The following HRH1 variants were observed in gnomAD, a reference collection of about 807,000 sequenced individuals.
HRH1 encodes histamine receptor H1, also known as histamine H1 receptor.
A neutral mutation model predicts 10.3 loss-of-function variants in HRH1; 6 were observed. The ratio of observed to expected loss-of-function variants is 0.58; its 90% confidence interval spans 0.32 to 1.15. HRH1 has a LOEUF of 1.15. Among genes scored for constraint, HRH1 ranks in the 50% most tolerant of loss-of-function variants. The pLI, the probability that HRH1 is intolerant of heterozygous loss-of-function variation, is 0.05. For synonymous variants in HRH1, 242 were observed against 236.7 expected (o/e 1.02, Z -0.21); for missense variants, 514 against 615.3 (o/e 0.84, Z 1.74).
rs1280666024 is a variant in HRH1 at position 11,154,742 on chromosome 3, G to C, written c.-36+188G>C. On this transcript the variant is annotated intron_variant, in intron 1 of 1. Coordinates refer to ENST00000431010, the MANE Select transcript of HRH1 (RefSeq NM_001098212.2). This position sits in a 1 kb window ranked among gnomAD's most constrained non-coding sequence, Gnocchi z 4.4. ...TGGCCTGGGGAGGGTGGCGGAGGGC[G>C]GCTCGCTCGGTGGCACCGCTCCCCT... Among the ~76,000 whole-genome samples the C allele has an allele frequency of 2.0e-5, 3 of 152,080 alleles. No individual in the cohort carries two copies.
chr3:11,244,073 C>T (rs1663952075), intron 1 of HRH1, among the ~76,000 whole-genome samples: 1 of 152,202 alleles, frequency 6.6e-6, no homozygotes, highest in Non-Finnish European at 1.5e-5. Context: ...GCAGTCCTCG[C>T]TGATATGGCA....
intron 1 of HRH1, among the ~76,000 whole-genome samples, chr3:11,184,918 A>C (rs946193967): frequency 3.9e-5 from 1 of 25,530 alleles, no homozygotes; most frequent in Non-Finnish European, 9.9e-5. Context: ...ACTCCATTTC[A>C]AAAAAAAAAA....
upstream of HRH1, among the ~76,000 whole-genome samples, chr3:11,151,362 C>T (rs1367684247): frequency 1.3e-5 from 2 of 152,192 alleles, no homozygotes; most frequent in Non-Finnish European, 2.9e-5. Context: ...TGACAATTAC[C>T]TTTGAGCCTC....
At chr3:11,153,300 A>G (rs1936688493), upstream of HRH1, among the ~76,000 whole-genome samples, 1 of 152,184 alleles carries the variant, frequency 6.6e-6, no homozygotes, top group South Asian at 2.1e-4. Context: ...GCACTTAGAA[A>G]AGCATCTGAC....
intron 1 of HRH1, among the ~76,000 whole-genome samples, chr3:11,184,879 C>G (rs1937422296): frequency 7.0e-6 from 1 of 143,872 alleles, no homozygotes; most frequent in Non-Finnish European, 1.5e-5. Context: ...GATCAGGCCA[C>G]TGCACTCCAG....
intron 1 of HRH1, among the ~76,000 whole-genome samples, chr3:11,163,991 T>C (rs1263553095): frequency 1.3e-5 from 2 of 152,168 alleles, no homozygotes; most frequent in African/African-American, 4.8e-5. Flanking sequence ...CTGTAACTGA[T>C]TTCCCTCCAT....
At chr3:11,174,886 A>G (rs1434922449) in intron 1 of HRH1, among the ~76,000 whole-genome samples, 1 of 152,160 alleles carries the variant, frequency 6.6e-6, no homozygotes, top group Non-Finnish European at 1.5e-5. Flanking sequence ...CTGTTGGGCA[A>G]TAGACTGCCC....
intron 1 of HRH1, among the ~76,000 whole-genome samples, chr3:11,140,598 C>T (rs998015842): frequency 6.6e-5 from 10 of 152,134 alleles, no homozygotes; most frequent in South Asian, 2.1e-4. Flanking sequence ...GAACCCTGCT[C>T]GCGGGTGACC....
At chr3:11,220,183 A>G (rs1328658348) in intron 1 of HRH1, among the ~76,000 whole-genome samples, 1 of 152,102 alleles carries the variant, frequency 6.6e-6, no homozygotes, top group Non-Finnish European at 1.5e-5. Flanking sequence ...AACAATACCT[A>G]TCAATCCCCT....
At chr3:11,245,725 G>T (rs1368958726) in intron 1 of HRH1, among the ~76,000 whole-genome samples, 1 of 152,166 alleles carries the variant, frequency 6.6e-6, no homozygotes, top group Non-Finnish European at 1.5e-5. Flanking sequence ...TGGTTTGCTT[G>T]TGCACTCTTA....
At chr3:11,208,762 G>T (rs1938224247) in intron 1 of HRH1, among the ~76,000 whole-genome samples, 1 of 152,174 alleles carries the variant, frequency 6.6e-6, no homozygotes, top group South Asian at 2.1e-4. Context: ...GTGTTCTTGT[G>T]TGCTAACATG....
At chr3:11,205,743 C>T (rs1938098342) in intron 1 of HRH1, among the ~76,000 whole-genome samples, 1 of 151,412 alleles carries the variant, frequency 6.6e-6, no homozygotes, top group Non-Finnish European at 1.5e-5. Flanking sequence ...CTCACTGTAA[C>T]CTCCGCCTCC....
chr3:11,205,864 A>G (rs1186995725), intron 1 of HRH1, among the ~76,000 whole-genome samples: 1 of 151,662 alleles, frequency 6.6e-6, no homozygotes, highest in African/African-American at 2.4e-5. Flanking sequence ...GTTTCACCAT[A>G]TTGGCCAAGC....
rs868188174 is a variant in HRH1, at chr3:11,242,509, A to T, written c.-35-16494A>T. Among the ~76,000 whole-genome samples the T allele has an allele frequency of 4.8e-4, 58 of 120,810 alleles. 1 individual carries two copies. Among genetic ancestry groups the T allele is most frequent in the African/African-American group, 1.8e-3 (55 of 30,222 alleles). The allele number at this position is 120,810 out of a possible 152,430, so 79.3% of individuals were successfully genotyped here. A position where few individuals can be genotyped will look rare whatever the true frequency, so the allele number is the denominator to read the frequency against. ...AAAAAAAAAAAAAAAAAAAAAAAAA[A>T]GCTGTAACACTCACTGCAAAGGTCT... On this transcript the variant is annotated intron_variant, in intron 1 of 1. Coordinates refer to ENST00000431010, the MANE Select transcript of HRH1 (RefSeq NM_001098212.2).
intron 1 of HRH1, among the ~76,000 whole-genome samples, chr3:11,247,458 T>G (rs999095609): frequency 9.2e-5 from 14 of 152,168 alleles, no homozygotes; most frequent in African/African-American, 3.4e-4. Context: ...TGGCTAAGGT[T>G]GGCCCTCCCA....
At chr3:11,188,895 G>T (rs560437516) in intron 1 of HRH1, among the ~76,000 whole-genome samples, 10 of 152,158 alleles carry the variant, frequency 6.6e-5, no homozygotes, top group Non-Finnish European at 1.2e-4. Flanking sequence ...TGTCTGTTTT[G>T]CCCTTCTTCT....
chr3:11,196,163 T>C (rs1937643157), intron 1 of HRH1, among the ~76,000 whole-genome samples: 1 of 152,188 alleles, frequency 6.6e-6, no homozygotes. Context: ...GAGGCAGAAC[T>C]CTCCACACGA....
At chr3:11,211,640 T>C (rs1938330351) in intron 1 of HRH1, among the ~76,000 whole-genome samples, 1 of 151,876 alleles carries the variant, frequency 6.6e-6, no homozygotes, top group African/African-American at 2.4e-5. Flanking sequence ...CTCGGCAGAG[T>C]CCAGAAGCTC....
rs1334740228 is a variant in HRH1 at position 11,260,448 on chromosome 3, T to G, written c.1411T>G (p.Cys471Gly). The change falls in exon 2 of 2, where the codon TGC becomes GGC. Residue 471 changes from cysteine to glycine, a missense_variant. Coordinates refer to ENST00000431010, the MANE Select transcript of HRH1 (RefSeq NM_001098212.2). ...STLNPLIYPLCNENFKKTFKR... is the reference protein window; with the variant it reads ...STLNPLIYPLGNENFKKTFKR... ...ACTGAACCCCCTCATCTACCCCTTG[T>G]GCAATGAGAACTTCAAGAAGACATT... 1 of 1,612,514 alleles carries G rather than the reference T, an allele frequency of 6.2e-7. No individual in the cohort carries two copies. Among genetic ancestry groups the G allele is most frequent in the East Asian group, 2.2e-5 (1 of 44,846 alleles).
Sources: allele counts gnomAD v4.1 joint callset (sites outside exome capture counted in the v4.1 genomes callset), GRCh38; gene constraint gnomAD v4.1.1; non-coding constraint Gnocchi (gnomAD v3.1); transcripts MANE v1.5; gene names NCBI Gene and HGNC (gene_info 2026-07-23, HGNC 2026-07-21).